The following UNC5C variants were observed in gnomAD, a reference collection of about 807,000 sequenced individuals.
UNC5C encodes unc-5 netrin receptor C, also known as netrin receptor UNC5C.
In UNC5C, 47 loss-of-function variants were observed where a neutral mutation model predicts 99.8. That is an observed-to-expected ratio of 0.47 (90% CI 0.37 to 0.60). The LOEUF (loss-of-function observed/expected upper bound fraction) is 0.60, where lower values mean the gene tolerates loss of function less well. Among genes scored for constraint, UNC5C ranks in the 20% least tolerant of loss-of-function variants. UNC5C has a pLI of 0.00. For synonymous variants in UNC5C, 487 were observed against 452.2 expected (o/e 1.08, Z -0.98); for missense variants, 1,062 against 1,165.9 (o/e 0.91, Z 1.30).
chr4:95,189,868 T>C (rs1388207642), intron 12 of UNC5C, among the ~76,000 whole-genome samples: 4 of 152,116 alleles, frequency 2.6e-5, no homozygotes, highest in South Asian at 2.1e-4. Context: ...TGTGGAGAAA[T>C]AGGAACACTT....
chr4:95,327,191 C>G (rs949772478), intron 2 of UNC5C, among the ~76,000 whole-genome samples: 1 of 152,122 alleles, frequency 6.6e-6, no homozygotes, highest in Non-Finnish European at 1.5e-5. Flanking sequence ...ACCCCCCAAC[C>G]TCCACCCCTA....
chr4:95,482,900 C>T (rs1202134924), intron 1 of UNC5C, among the ~76,000 whole-genome samples: 1 of 134,396 alleles, frequency 7.4e-6, no homozygotes, highest in Non-Finnish European at 1.6e-5. Flanking sequence ...AGGAGATATA[C>T]CTAATGCTAA....
At chr4:95,269,230 T>C (rs776180523) in intron 4 of UNC5C, among the ~76,000 whole-genome samples, 1 of 152,314 alleles carries the variant, frequency 6.6e-6, no homozygotes, top group South Asian at 2.1e-4. Context: ...ATTCTAACAA[T>C]TCCCAGGTGA....
chr4:95,230,058 GC>G (rs1189306508), intron 7 of UNC5C, among the ~76,000 whole-genome samples: 1 of 151,932 alleles, frequency 6.6e-6, no homozygotes, highest in African/African-American at 2.4e-5. Flanking sequence ...TGATCCACCT[GC>G]CTCAGCCTCC....
At chr4:95,280,687 T>TCAACAACAACAA (rs58348747) in intron 3 of UNC5C, among the ~76,000 whole-genome samples, 56,631 of 150,870 alleles carry the variant, frequency 0.38, 12,244 homozygotes, top group Non-Finnish European at 0.5. Flanking sequence ...AGACCCCATC[T>TCAACAACAACAA]CAACAACAAC....
chr4:95,374,082 G>A (rs983310173), intron 1 of UNC5C, among the ~76,000 whole-genome samples: 2 of 152,050 alleles, frequency 1.3e-5, no homozygotes, highest in African/African-American at 2.4e-5. Flanking sequence ...AAGAAAACAG[G>A]AAGGAGATGT....
chr4:95,205,733 T>C (rs3775045), intron 11 of UNC5C, among the ~76,000 whole-genome samples: 112,957 of 151,974 alleles, frequency 0.74, 42,940 homozygotes, highest in Middle Eastern at 0.9. Flanking sequence ...TACTGAAATA[T>C]AGGTGCTAAG....
chr4:95,444,394 G>C (rs910166844), intron 1 of UNC5C, among the ~76,000 whole-genome samples: 1 of 150,456 alleles, frequency 6.6e-6, no homozygotes, highest in African/African-American at 2.5e-5. Context: ...GCAGTGGTGC[G>C]ATCTCCGCTC....
At chr4:95,274,730 A>C (rs1004052304) in intron 4 of UNC5C, among the ~76,000 whole-genome samples, 4 of 152,070 alleles carry the variant, frequency 2.6e-5, no homozygotes, top group African/African-American at 9.7e-5. Context: ...GTAGCTTTAA[A>C]GATCAGGGTA....
At chr4:95,517,055 A>C (rs1722237098) in intron 1 of UNC5C, among the ~76,000 whole-genome samples, 1 of 152,198 alleles carries the variant, frequency 6.6e-6, no homozygotes, top group East Asian at 1.9e-4. Context: ...TAGGGATAAC[A>C]TCAATTTTGT....
intron 1 of UNC5C, among the ~76,000 whole-genome samples, chr4:95,543,511 T>A (rs1481047376): frequency 6.6e-6 from 1 of 152,220 alleles, no homozygotes; most frequent in African/African-American, 2.4e-5. Context: ...GTGAATTTTC[T>A]TTGCCTTCGT....
chr4:95,251,361 G>A (rs1739721281), intron 4 of UNC5C, among the ~76,000 whole-genome samples: 1 of 152,044 alleles, frequency 6.6e-6, no homozygotes, highest in African/African-American at 2.4e-5. Context: ...CCCTCCTTTT[G>A]TATAATGCTA....
intron 1 of UNC5C, among the ~76,000 whole-genome samples, chr4:95,480,225 A>G (rs1453038826): frequency 2.0e-5 from 3 of 148,924 alleles, no homozygotes; most frequent in Non-Finnish European, 4.5e-5. Flanking sequence ...ATACATGTAT[A>G]TATACATTCA....
chr4:95,271,652 T>C (rs1252506805), intron 4 of UNC5C, among the ~76,000 whole-genome samples: 1 of 152,222 alleles, frequency 6.6e-6, no homozygotes, highest in African/African-American at 2.4e-5. Context: ...TTCTAGATTT[T>C]CATCATTAAA....
intron 1 of UNC5C, among the ~76,000 whole-genome samples, chr4:95,517,834 C>T (rs1299371391): frequency 6.6e-6 from 1 of 152,068 alleles, no homozygotes; most frequent in African/African-American, 2.4e-5. Flanking sequence ...TCTAAACACG[C>T]TGTAAATTAT....
intron 4 of UNC5C, among the ~76,000 whole-genome samples, chr4:95,277,402 A>G (rs7356450): frequency 0.67 from 102,672 of 152,120 alleles, 35,682 homozygotes; most frequent in African/African-American, 0.85. Flanking sequence ...CACGGGGTCA[A>G]TTAGGGCAAT....
intron 3 of UNC5C, among the ~76,000 whole-genome samples, chr4:95,296,172 C>T (rs943106615): frequency 6.6e-6 from 1 of 152,184 alleles, no homozygotes; most frequent in Admixed American, 6.5e-5. Flanking sequence ...TCAGCCTGTA[C>T]AGAGAGAATT....
At chr4:95,217,203 T>A (rs1363353956) in intron 9 of UNC5C, among the ~76,000 whole-genome samples, 1 of 152,152 alleles carries the variant, frequency 6.6e-6, no homozygotes, top group African/African-American at 2.4e-5. Context: ...ATAATTTAAT[T>A]AGCGAGGAAA....
intron 1 of UNC5C, among the ~76,000 whole-genome samples, chr4:95,547,851 C>T (rs1331441309): frequency 1.3e-5 from 2 of 152,172 alleles, no homozygotes; most frequent in Admixed American, 1.3e-4. Flanking sequence ...CGGAGCCTCC[C>T]CTCCTCCCTT....
Sources: gnomAD v4.1 joint callset for allele counts (sites outside exome capture counted in the v4.1 genomes callset) on GRCh38, gnomAD v4.1.1 for gene constraint, MANE v1.5 for transcripts, NCBI Gene and HGNC (gene_info 2026-07-23, HGNC 2026-07-21) for gene names.